The following MITF variants were observed in gnomAD, a reference collection of about 807,000 sequenced individuals.
MITF encodes the protein microphthalmia-associated transcription factor.
Under a neutral mutation model 60.5 loss-of-function variants are expected in MITF, and 17 were observed. That is an observed-to-expected ratio of 0.28 (90% CI 0.19 to 0.42). The LOEUF is 0.42. Among genes scored for constraint, MITF ranks in the 10% least tolerant of loss-of-function variants. The pLI, the probability that MITF is intolerant of heterozygous loss-of-function variation, is 1.00. For synonymous variants in MITF, 260 were observed against 248.5 expected (o/e 1.05, Z -0.43); for missense variants, 622 against 683.5 (o/e 0.91, Z 1.00).
At chr3:69,774,200 G>A (rs570952840) in intron 1 of MITF, among the ~76,000 whole-genome samples, 2 of 152,304 alleles carry the variant, frequency 1.3e-5, no homozygotes, top group South Asian at 4.1e-4. Context: ...GGAGGTGCCA[G>A]AGGCCTGGCA....
At chr3:69,958,814 C>T (rs2066464490) in intron 8 of MITF, among the ~76,000 whole-genome samples, 1 of 152,102 alleles carries the variant, frequency 6.6e-6, no homozygotes, top group African/African-American at 2.4e-5. Context: ...GTGTCTGTTT[C>T]AACATGTGCA....
intron 2 of MITF, 113 bp from the exon 3 acceptor site, chr3:69,937,709 A>G (rs1223176438): frequency 2.3e-6 from 2 of 876,448 alleles, no homozygotes; most frequent in South Asian, 1.4e-5. Flanking sequence ...CAAAGGCTTA[A>G]TAATTTATTC....
At chr3:69,841,668 C>A (rs2063638679) in intron 1 of MITF, among the ~76,000 whole-genome samples, 1 of 152,198 alleles carries the variant, frequency 6.6e-6, no homozygotes, top group Non-Finnish European at 1.5e-5. Flanking sequence ...CATGCACTAT[C>A]TTAAATTAAT....
intron 1 of MITF, among the ~76,000 whole-genome samples, chr3:69,740,004 A>G (rs891464429): frequency 6.6e-6 from 1 of 151,418 alleles, no homozygotes; most frequent in Admixed American, 6.6e-5. Context: ...GGGGCTGGGG[A>G]GCGACCTGGC....
At chr3:69,892,065 A>G (rs964717342) in intron 2 of MITF, among the ~76,000 whole-genome samples, 8 of 152,208 alleles carry the variant, frequency 5.3e-5, no homozygotes, top group African/African-American at 1.9e-4. Flanking sequence ...TTAAATATGT[A>G]TGTCACATAT....
chr3:69,816,247 T>G (rs932941856), intron 1 of MITF, among the ~76,000 whole-genome samples: 1 of 152,184 alleles, frequency 6.6e-6, no homozygotes, highest in African/African-American at 2.4e-5. Context: ...TGTTGTACTG[T>G]GGCCTGCATA....
chr3:69,898,064 T>A (rs1471183254), intron 2 of MITF, among the ~76,000 whole-genome samples: 2 of 152,206 alleles, frequency 1.3e-5, no homozygotes, highest in African/African-American at 2.4e-5. Flanking sequence ...GGAAGACACA[T>A]GTTAATTAAA....
intron 1 of MITF, among the ~76,000 whole-genome samples, chr3:69,878,504 A>G (rs2064405543): frequency 6.6e-6 from 1 of 152,162 alleles, no homozygotes; most frequent in Non-Finnish European, 1.5e-5. Flanking sequence ...ACAGAGAAGT[A>G]TTGGCTTGTC....
chr3:69,780,962 G>T (rs548745630), intron 1 of MITF, among the ~76,000 whole-genome samples: 1 of 152,114 alleles, frequency 6.6e-6, no homozygotes, highest in Non-Finnish European at 1.5e-5. Flanking sequence ...AAATCAAGAT[G>T]TCTAGATATT....
intron 1 of MITF, among the ~76,000 whole-genome samples, chr3:69,743,011 G>T (rs966887736): frequency 2.0e-5 from 3 of 152,166 alleles, no homozygotes; most frequent in Non-Finnish European, 4.4e-5. Context: ...AGGGAACAGG[G>T]TTTTCTGTTT....
Position 69,937,904 on chromosome 3 carries a change from CTT to C in MITF, c.439_440del (p.Leu147SerfsTer3). On this transcript the variant is annotated frameshift_variant, in exon 3 of 10. Transcript: ENST00000352241. LOFTEE classifies it high-confidence loss of function. ...CAGGTAAAGCAGTACCTTTCTACCA[CTT>C]TAGCAAATAAACATGCCAACCAAGT... 1 of 1,614,162 alleles carries C rather than the reference CTT, an allele frequency of 6.2e-7. No individual in the cohort carries two copies. The highest frequency in any genetic ancestry group is 8.5e-7 in the Non-Finnish European group (1 of 1,180,010).
At chr3:69,760,341 G>A (rs1381922893) in intron 1 of MITF, among the ~76,000 whole-genome samples, 1 of 152,162 alleles carries the variant, frequency 6.6e-6, no homozygotes, top group African/African-American at 2.4e-5. Flanking sequence ...GCCTGGGAGG[G>A]TTCTTGGCAT....
chr3:69,925,839 T>C (rs1313408871), intron 2 of MITF, among the ~76,000 whole-genome samples: 1 of 152,218 alleles, frequency 6.6e-6, no homozygotes, highest in Non-Finnish European at 1.5e-5. Context: ...ACCCAACTTG[T>C]TGCTTCTAGA....
chr3:69,923,369 G>T (rs1227386418), intron 2 of MITF, among the ~76,000 whole-genome samples: 2 of 152,154 alleles, frequency 1.3e-5, no homozygotes, highest in Non-Finnish European at 2.9e-5. Flanking sequence ...TTTGGAGATG[G>T]AGTCTTGCTC....
chr3:69,792,822 A>G (rs1363028003), intron 1 of MITF, among the ~76,000 whole-genome samples: 1 of 151,920 alleles, frequency 6.6e-6, no homozygotes, highest in Non-Finnish European at 1.5e-5. Flanking sequence ...CCTCTGCCCC[A>G]CTAAAAATTT....
intron 4 of MITF, 88 bp downstream of exon 4, chr3:69,939,269 C>A: frequency 4.3e-6 from 5 of 1,172,218 alleles, no homozygotes; most frequent in Non-Finnish European, 6.2e-6. Flanking sequence ...AAAACTTAAG[C>A]ATTTTTTTCC....
At chr3:69,845,900 T>C (rs2063724109) in intron 1 of MITF, among the ~76,000 whole-genome samples, 1 of 152,228 alleles carries the variant, frequency 6.6e-6, no homozygotes, top group Non-Finnish European at 1.5e-5. Flanking sequence ...TGTGTGTGCA[T>C]GTGTAGGTAA....
chr3:69,840,623 T>C (rs986254962), intron 1 of MITF, among the ~76,000 whole-genome samples: 2 of 152,180 alleles, frequency 1.3e-5, no homozygotes, highest in African/African-American at 4.8e-5. Flanking sequence ...TTATCAATGA[T>C]TTCAGAGCAG....
intron 1 of MITF, among the ~76,000 whole-genome samples, chr3:69,860,083 C>T (rs1233033775): frequency 6.6e-6 from 1 of 152,146 alleles, no homozygotes; most frequent in African/African-American, 2.4e-5. Flanking sequence ...GTCTCACCTA[C>T]TCTGTTTATA....
Sources: allele counts gnomAD v4.1 joint callset (sites outside exome capture counted in the v4.1 genomes callset), GRCh38; gene constraint gnomAD v4.1.1; transcripts MANE v1.5; gene names NCBI Gene and HGNC (gene_info 2026-07-23, HGNC 2026-07-21).